The following CDH12 variants were observed in gnomAD, a reference collection of about 807,000 sequenced individuals.
CDH12 encodes cadherin 12.
CDH12 carries 41 observed loss-of-function variants against 74.1 expected under a neutral mutation model. That is an observed-to-expected ratio of 0.55 (90% CI 0.43 to 0.72). The LOEUF is 0.72. Ranked by LOEUF, CDH12 falls within the 30% of genes least tolerant of loss-of-function variation. The pLI, the probability that CDH12 is intolerant of heterozygous loss-of-function variation, is 0.00. For missense variants in CDH12, 945 were observed against 977.2 expected (o/e 0.97, Z 0.44); for synonymous variants, 399 against 355.0 (o/e 1.12, Z -1.39).
chr5:22,263,464 T>A (rs184827420), intron 3 of CDH12, among the ~76,000 whole-genome samples: 1,826 of 152,136 alleles, frequency 0.012, 21 homozygotes, highest in South Asian at 0.018. Context: ...ATAAAGTATT[T>A]AATGTTAGGA....
chr5:22,606,988 GC>G (rs1366482418), intron 1 of CDH12, among the ~76,000 whole-genome samples: 2 of 152,206 alleles, frequency 1.3e-5, no homozygotes, highest in Non-Finnish European at 2.9e-5. Flanking sequence ...GATAACTCTT[GC>G]TTTGCTTTAG....
intron 4 of CDH12, among the ~76,000 whole-genome samples, chr5:22,127,304 C>A (rs1745926883): frequency 6.6e-6 from 1 of 151,826 alleles, no homozygotes; most frequent in South Asian, 2.1e-4. Flanking sequence ...ATGGTGAAAC[C>A]TGGTCTCTAC....
rs143229137 is a variant in CDH12, at chr5:22,266,038, A to ATTAT, written c.-332-53399_-332-53396dup. ...TGCCTAACTGCCAAAAGCTTTGTTGATTATTTATTTATTTATTTATTTATT... is the reference window on the plus strand; with the variant it reads ...TGCCTAACTGCCAAAAGCTTTGTTGATTATTTATTTATTTATTTATTTATTTATT... On this transcript the variant is annotated intron_variant, in intron 3 of 14. Coordinates refer to ENST00000382254, the MANE Select transcript of CDH12 (RefSeq NM_004061.5). Among the ~76,000 whole-genome samples, 265 of 141,024 alleles carry ATTAT rather than the reference A, an allele frequency of 1.9e-3. 3 individuals are homozygous for ATTAT. The highest frequency in any genetic ancestry group is 3.8e-3 in the East Asian group (18 of 4,758). 92.5% of individuals were successfully genotyped at this position (141,024 alleles called of 152,430 possible).
chr5:22,631,999 G>A (rs1738610450), intron 1 of CDH12, among the ~76,000 whole-genome samples: 1 of 152,122 alleles, frequency 6.6e-6, no homozygotes, highest in South Asian at 2.1e-4. Context: ...TGTGATCTAG[G>A]TGGAGACACA....
intron 2 of CDH12, among the ~76,000 whole-genome samples, chr5:22,502,393 A>C (rs1196994467): frequency 6.6e-6 from 1 of 152,120 alleles, no homozygotes; most frequent in East Asian, 1.9e-4. Context: ...CTGTGAGTCC[A>C]TTAAACCTCT....
At chr5:22,011,385 C>T (rs1361746377) in intron 5 of CDH12, among the ~76,000 whole-genome samples, 1 of 152,104 alleles carries the variant, frequency 6.6e-6, no homozygotes, top group African/African-American at 2.4e-5. Flanking sequence ...TTGTTGATGG[C>T]CATTATTTTC....
intron 1 of CDH12, among the ~76,000 whole-genome samples, chr5:22,545,337 C>T (rs984560050): frequency 6.6e-6 from 1 of 152,138 alleles, no homozygotes; most frequent in African/African-American, 2.4e-5. Flanking sequence ...AGGTAAAATT[C>T]TCTTTAGCTC....
At chr5:22,162,216 T>C (rs1371855568) in intron 4 of CDH12, among the ~76,000 whole-genome samples, 5 of 151,992 alleles carry the variant, frequency 3.3e-5, no homozygotes, top group Non-Finnish European at 5.9e-5. Flanking sequence ...GACCATTCAG[T>C]CATTTGCTCT....
intron 1 of CDH12, among the ~76,000 whole-genome samples, chr5:22,848,633 T>TTAGTTTATCAGGGAG (rs1429597413): frequency 6.6e-5 from 10 of 152,178 alleles, no homozygotes; most frequent in African/African-American, 1.4e-4. Flanking sequence ...CATTGGTTAG[T>TTAGTTTATCAGGGAG]TAGTTTATCA....
chr5:22,278,899 T>C (rs1736756725), intron 3 of CDH12, among the ~76,000 whole-genome samples: 1 of 152,200 alleles, frequency 6.6e-6, no homozygotes, highest in African/African-American at 2.4e-5. Flanking sequence ...CAAATCTCTT[T>C]GGATGAATTC....
chr5:22,124,080 G>A (rs1441738721), intron 4 of CDH12, among the ~76,000 whole-genome samples: 1 of 151,684 alleles, frequency 6.6e-6, no homozygotes, highest in Non-Finnish European at 1.5e-5. Flanking sequence ...CAATTCTCCT[G>A]CCTCAGCCTC....
intron 10 of CDH12, among the ~76,000 whole-genome samples, chr5:21,795,016 T>C (rs1489206496): frequency 6.6e-6 from 1 of 151,660 alleles, no homozygotes; most frequent in East Asian, 1.9e-4. Flanking sequence ...TATCCATATA[T>C]ATTATAGAAC....
At chr5:22,337,786 C>A (rs538498195) in intron 3 of CDH12, among the ~76,000 whole-genome samples, 35 of 152,266 alleles carry the variant, frequency 2.3e-4, no homozygotes, top group Admixed American at 5.9e-4. Flanking sequence ...CTCAAAAGAA[C>A]ATATACAATT....
chr5:22,814,347 A>C (rs1040427749), intron 1 of CDH12, among the ~76,000 whole-genome samples: 1 of 152,204 alleles, frequency 6.6e-6, no homozygotes, highest in African/African-American at 2.4e-5. Flanking sequence ...TAAAATTTTT[A>C]TAACAACTAC....
intron 10 of CDH12, among the ~76,000 whole-genome samples, chr5:21,801,323 T>G (rs2149921736): frequency 6.6e-6 from 1 of 152,328 alleles, no homozygotes; most frequent in East Asian, 1.9e-4. Flanking sequence ...TTTCTTATTT[T>G]GGTTCTTGCA....
intron 3 of CDH12, among the ~76,000 whole-genome samples, chr5:22,298,106 A>G (rs892404295): frequency 2.0e-5 from 3 of 150,578 alleles, no homozygotes; most frequent in Non-Finnish European, 4.4e-5. Flanking sequence ...TGCCTAATGG[A>G]GAAAAATAAA....
chr5:21,876,543 T>G (rs1751948442), intron 6 of CDH12, among the ~76,000 whole-genome samples: 1 of 152,226 alleles, frequency 6.6e-6, no homozygotes, highest in Non-Finnish European at 1.5e-5. Context: ...TGGTATAGTC[T>G]CTTTCATTGA....
At chr5:21,783,595 C>T (rs1393265378) in intron 10 of CDH12, 101 bp from the exon 11 acceptor site, 2 of 812,996 alleles carry the variant, frequency 2.5e-6, no homozygotes, top group Non-Finnish European at 2.0e-6. Flanking sequence ...CTCCCTGTAG[C>T]TATTACCCAC....
intron 3 of CDH12, among the ~76,000 whole-genome samples, chr5:22,393,135 C>T (rs1580601278): frequency 6.6e-6 from 1 of 152,084 alleles, no homozygotes; most frequent in South Asian, 2.1e-4. Context: ...GAGATCACCC[C>T]GGATGATTTG....
Sources: gnomAD v4.1 joint callset for allele counts (sites outside exome capture counted in the v4.1 genomes callset) on GRCh38, gnomAD v4.1.1 for gene constraint, MANE v1.5 for transcripts, NCBI Gene and HGNC (gene_info 2026-07-23, HGNC 2026-07-21) for gene names.